The following CPNE4 variants were observed in gnomAD, a reference collection of about 807,000 sequenced individuals.
CPNE4 encodes copine 4.
CPNE4 carries 25 observed loss-of-function variants against 67.9 expected under a neutral mutation model. The ratio of observed to expected loss-of-function variants is 0.37; its 90% CI spans 0.27 to 0.51. The LOEUF is 0.51. Among genes scored for constraint, CPNE4 ranks in the 20% least tolerant of loss-of-function variants. The pLI is 0.93. For synonymous variants in CPNE4, 242 were observed against 244.9 expected (o/e 0.99, Z 0.11); for missense variants, 464 against 690.8 (o/e 0.67, Z 3.68).
chr3:131,815,641 G>C (rs1028815598), intron 2 of CPNE4, among the ~76,000 whole-genome samples: 15 of 152,198 alleles, frequency 9.9e-5, no homozygotes, highest in Admixed American at 9.8e-4. Flanking sequence ...TAAGTCGAGA[G>C]ACAAGGTGTT....
At chr3:132,033,610 C>T (rs895284455) in intron 1 of CPNE4, among the ~76,000 whole-genome samples, 3 of 152,216 alleles carry the variant, frequency 2.0e-5, no homozygotes, top group African/African-American at 7.2e-5. Context: ...TCCCTGGAGC[C>T]TAGCAGGTTC....
rs902937360 is a variant in CPNE4 at position 132,034,996 on chromosome 3, G to A, written c.-431C>T. The A allele has an allele frequency of 2.0e-6, 2 of 985,270 alleles. No homozygotes were observed. Among genetic ancestry groups the A allele is most frequent in the Non-Finnish European group, 2.4e-6 (2 of 830,076 alleles). 61.0% of individuals were successfully genotyped at this position (985,270 alleles called of 1,614,324 possible). A position where few individuals can be genotyped will look rare whatever the true frequency, so the allele number is the denominator to read the frequency against. ...CGGGGAGATGGCAGCTTCTCACAGA[G>A]AGATTTCCACCTTCTGACGAATCCC... On this transcript the variant is annotated 5_prime_UTR_variant, in exon 1 of 16. Coordinates refer to ENST00000429747, the MANE Select transcript of CPNE4 (RefSeq NM_130808.3).
At chr3:132,015,410 C>T (rs565705254) in intron 1 of CPNE4, among the ~76,000 whole-genome samples, 4 of 152,248 alleles carry the variant, frequency 2.6e-5, no homozygotes, top group South Asian at 2.1e-4. Flanking sequence ...AACCAAGTTT[C>T]ACCTGATAAA....
At chr3:131,827,062 AC>A (rs1012911825) in intron 2 of CPNE4, among the ~76,000 whole-genome samples, 4 of 152,194 alleles carry the variant, frequency 2.6e-5, no homozygotes, top group African/African-American at 9.6e-5. Flanking sequence ...ACAAAAAAAA[AC>A]AAAACAAAAC....
Position 131,978,150 on chromosome 3 carries a change from A to ATAT in CPNE4, c.-2+56416_-2+56417insATA, listed in dbSNP as rs1467480473. ...TATATATTTATATAAATATATATAAAATATATAAATATATATAAATATGTA... is the reference window on the plus strand; with the variant it reads ...TATATATTTATATAAATATATATAAATATATATATAAATATATATAAATATGTA... On this transcript the variant is annotated intron_variant, in intron 1 of 15. Transcript: ENST00000429747. Among the ~76,000 whole-genome samples the ATAT allele has an allele frequency of 7.2e-5, 5 of 69,400 alleles. No individual in the cohort carries two copies. The South Asian group carries it at 1.7e-3, about 24-fold the overall frequency. 45.5% of individuals were successfully genotyped at this position (69,400 alleles called of 152,430 possible).
rs2081294018 is a variant in CPNE4, at chr3:131,701,276, A to C, written c.361-1296T>G. 2.0e-5 allele frequency among the ~76,000 whole-genome samples: 3 copies of C among 152,142 alleles called. 1 individual carries two copies. In the South Asian group the frequency reaches 6.2e-4, roughly 32 times the overall value. ...AAAAAAAGAACCAAGTTGAAGCTAC[A>C]CTCATGCTTAGAGGGAACAACATCA... is the stretch of plus-strand genomic sequence containing the variant. On this transcript the variant is annotated intron_variant, in intron 3 of 15. Transcript: ENST00000429747.
In CPNE4 at chr3:131,557,558, G is replaced by A. The variant is rs147580316; in HGVS notation, c.1062-2007C>T. ...AAGGAAGCTGGAATTCTTTGAAATCGAAGTCTAAATTCTCCAGAAAATCAC... is the reference window on the plus strand; with the variant it reads ...AAGGAAGCTGGAATTCTTTGAAATCAAAGTCTAAATTCTCCAGAAAATCAC... On this transcript the variant is annotated intron_variant, in intron 11 of 15. Transcript: ENST00000429747. Among the ~76,000 whole-genome samples the A allele has an allele frequency of 4.0e-3, 608 of 152,126 alleles. 7 individuals are homozygous for A. Among genetic ancestry groups the A allele is most frequent in the African/African-American group, 0.014 (585 of 41,538 alleles).
intron 1 of CPNE4, among the ~76,000 whole-genome samples, chr3:131,975,805 G>A (rs1034058883): frequency 3.9e-5 from 6 of 152,058 alleles, no homozygotes; most frequent in African/African-American, 1.4e-4. Context: ...TGTATGCCTA[G>A]TGTACGCAGA....
intron 2 of CPNE4, among the ~76,000 whole-genome samples, chr3:131,845,504 G>A (rs2085962547): frequency 6.6e-6 from 1 of 152,136 alleles, no homozygotes. Flanking sequence ...ATCTTCTGAA[G>A]GCTAAAAGTT....
At chr3:131,836,348 G>C (rs2085556008) in intron 2 of CPNE4, among the ~76,000 whole-genome samples, 1 of 151,750 alleles carries the variant, frequency 6.6e-6, no homozygotes. Context: ...CAGTCTAAAA[G>C]AAAAAAAGTG....
intron 10 of CPNE4, among the ~76,000 whole-genome samples, chr3:131,573,727 C>T (rs1039685165): frequency 6.6e-6 from 1 of 152,048 alleles, no homozygotes; most frequent in African/African-American, 2.4e-5. Context: ...TGGGTATGCT[C>T]AGAGCAGCAA....
intron 2 of CPNE4, among the ~76,000 whole-genome samples, chr3:131,903,107 G>A (rs576061436): frequency 3.3e-5 from 5 of 152,044 alleles, no homozygotes; most frequent in Non-Finnish European, 7.4e-5. Flanking sequence ...TGACTCTCGG[G>A]TCTTTTGAAC....
intron 8 of CPNE4, among the ~76,000 whole-genome samples, 167 bp downstream of exon 8, chr3:131,587,317 T>C (rs1034393751): frequency 6.6e-6 from 1 of 152,208 alleles, no homozygotes; most frequent in Non-Finnish European, 1.5e-5. Context: ...ACAATTGCTT[T>C]GGGTTGGGCT....
At position 131,573,489 on chromosome 3, in the gene CPNE4, G is replaced by T. The variant is rs73874122; in HGVS notation, c.927+1582C>A. ...GGGTTCAGCACCTAATTTTTGTTGG[G>T]GCTGATTCTTTGCAGCACAATTTGA... is the stretch of plus-strand genomic sequence containing the variant. On this transcript the variant is annotated intron_variant, in intron 10 of 15. Transcript: ENST00000429747. Among the ~76,000 whole-genome samples the T allele has an allele frequency of 9.3e-3, 1,418 of 152,110 alleles. 19 individuals are homozygous for T. Among genetic ancestry groups the T allele is most frequent in the East Asian group, 0.054 (276 of 5,136 alleles).
At chr3:131,662,819 G>A (rs2080161396) in intron 7 of CPNE4, among the ~76,000 whole-genome samples, 1 of 152,210 alleles carries the variant, frequency 6.6e-6, no homozygotes, top group Admixed American at 6.5e-5. Context: ...AACAACAGAT[G>A]CTGGTGAGGC....
intron 7 of CPNE4, among the ~76,000 whole-genome samples, chr3:131,608,530 G>T (rs563476314): frequency 1.3e-5 from 2 of 152,262 alleles, no homozygotes; most frequent in Middle Eastern, 3.4e-3. Flanking sequence ...AGAACCCACA[G>T]TGTGCCTGGG....
At chr3:131,711,968 A>G (rs2107724137) in intron 3 of CPNE4, among the ~76,000 whole-genome samples, 1 of 152,316 alleles carries the variant, frequency 6.6e-6, no homozygotes, top group East Asian at 1.9e-4. Context: ...CTCCCTGTGG[A>G]CAAAGGGGTG....
At chr3:131,848,970 A>AAC (rs2086120930) in intron 2 of CPNE4, among the ~76,000 whole-genome samples, 1 of 149,110 alleles carries the variant, frequency 6.7e-6, no homozygotes, top group Non-Finnish European at 1.5e-5. Flanking sequence ...AAAAAAAAAA[A>AAC]AAAAAAAAAA....
chr3:131,775,451 C>T (rs1041561905), intron 2 of CPNE4, among the ~76,000 whole-genome samples: 1 of 152,016 alleles, frequency 6.6e-6, no homozygotes, highest in Non-Finnish European at 1.5e-5. Context: ...TGTCCCCACC[C>T]AAATCTCATC....
Sources: allele counts gnomAD v4.1 joint callset (sites outside exome capture counted in the v4.1 genomes callset), GRCh38; gene constraint gnomAD v4.1.1; transcripts MANE v1.5; gene names NCBI Gene and HGNC (gene_info 2026-07-23, HGNC 2026-07-21).